PHTF2: variants seen among roughly 807,000 people sequenced by gnomAD.
The protein encoded by PHTF2 is protein PHTF2.
In PHTF2, 60 loss-of-function variants were observed where a neutral mutation model predicts 101.2. The ratio of observed to expected loss-of-function variants is 0.59; its 90% CI spans 0.48 to 0.73. PHTF2 has a LOEUF of 0.73. Among genes scored for constraint, PHTF2 ranks in the 30% least tolerant of loss-of-function variants. The probability of loss-of-function intolerance (pLI) is 0.00; values close to 1 mark genes in which losing one functional copy is unlikely to be tolerated. For missense variants in PHTF2, 747 were observed against 908.7 expected (o/e 0.82, Z 2.29); for synonymous variants, 311 against 307.3 (o/e 1.01, Z -0.13).
At chr7:77,865,867 T>C (rs1268252531) in intron 3 of PHTF2, among the ~76,000 whole-genome samples, 1 of 152,120 alleles carries the variant, frequency 6.6e-6, no homozygotes, top group Admixed American at 6.6e-5. Context: ...ATCTGTGAAA[T>C]AGGCTCTTTA....
chr7:77,922,497 T>A (rs948967124), intron 10 of PHTF2, 126 bp from the exon 10 acceptor site: 7 of 574,474 alleles, frequency 1.2e-5, no homozygotes, highest in Non-Finnish European at 2.0e-5. Context: ...TTAGTTACTT[T>A]GTGGTAGTTG....
In PHTF2 at chr7:77,947,830, T is replaced by C. The variant is rs866865526; in HGVS notation, c.1960-1848T>C. Among the ~76,000 whole-genome samples the C allele has an allele frequency of 9.8e-4, 107 of 109,644 alleles. 3 individuals are homozygous for C. The highest frequency in any genetic ancestry group is 4.3e-3 in the African/African-American group (101 of 23,556). The allele number at this position is 109,644 out of a possible 152,430, so 71.9% of individuals were successfully genotyped here. On this transcript the variant is annotated intron_variant, in intron 16 of 19. Transcript: ENST00000416283. ...TGAAGATTTATTTTCTTTTTTCTTT[T>C]TTCTTTCTTTTTTTTTTTTTTTTTT...
At chr7:77,877,081 G>A (rs1216717259) in intron 3 of PHTF2, among the ~76,000 whole-genome samples, 3 of 149,624 alleles carry the variant, frequency 2.0e-5, no homozygotes, top group Non-Finnish European at 4.4e-5. Flanking sequence ...ATTTTCCCAT[G>A]ATTAATGGAA....
At chr7:77,862,744 G>T (rs996505159) in intron 3 of PHTF2, among the ~76,000 whole-genome samples, 1 of 152,084 alleles carries the variant, frequency 6.6e-6, no homozygotes, top group African/African-American at 2.4e-5. Context: ...AATATTTGCC[G>T]GTTATATTCC....
intron 1 of PHTF2, among the ~76,000 whole-genome samples, chr7:77,839,527 A>T (rs530277832): frequency 1.3e-5 from 2 of 152,322 alleles, no homozygotes; most frequent in South Asian, 4.1e-4. Flanking sequence ...ACAATTCAGT[A>T]GCTTAATTTT....
At chr7:77,946,187 A>G (rs185886981) in intron 16 of PHTF2, among the ~76,000 whole-genome samples, 28 of 152,356 alleles carry the variant, frequency 1.8e-4, no homozygotes, top group Admixed American at 5.9e-4. Context: ...TAAGCTGATT[A>G]AAGGCAGAAA....
At chr7:77,921,786 T>C (rs1803488372) in intron 10 of PHTF2, among the ~76,000 whole-genome samples, 1 of 152,144 alleles carries the variant, frequency 6.6e-6, no homozygotes, top group Non-Finnish European at 1.5e-5. Context: ...CTAGAGTCAT[T>C]TAATTTCGTA....
At chr7:77,939,589 C>CAAAAAAAAAAAAA (rs914007792) in intron 13 of PHTF2, among the ~76,000 whole-genome samples, 3 of 75,100 alleles carry the variant, frequency 4.0e-5, no homozygotes, top group Non-Finnish European at 6.0e-5. Context: ...GACCCTGTCT[C>CAAAAAAAAAAAAA]AAAAAAAAAA....
chr7:77,879,853 A>T (rs995014360), intron 3 of PHTF2, among the ~76,000 whole-genome samples: 1 of 152,200 alleles, frequency 6.6e-6, no homozygotes, highest in Non-Finnish European at 1.5e-5. Flanking sequence ...GCCCTCTTCT[A>T]CTCACAGTAC....
intron 13 of PHTF2, 143 bp downstream of exon 12, chr7:77,937,981 T>C: frequency 6.1e-6 from 2 of 328,088 alleles, no homozygotes; most frequent in Non-Finnish European, 1.1e-5. Flanking sequence ...TATTTGTTTC[T>C]GTCTGTAATT....
At chr7:77,801,795 G>T (rs185426587) in intron 1 of PHTF2, among the ~76,000 whole-genome samples, 3 of 152,112 alleles carry the variant, frequency 2.0e-5, no homozygotes, top group Non-Finnish European at 4.4e-5. Context: ...CAAAATGCTT[G>T]TGGTCCCAAT....
intron 3 of PHTF2, among the ~76,000 whole-genome samples, chr7:77,875,234 G>T: frequency 6.6e-6 from 1 of 151,836 alleles, no homozygotes; most frequent in South Asian, 2.1e-4. Context: ...TCATTTTTTT[G>T]TGACCTCTTT....
chr7:77,878,036 G>A (rs189205725), intron 3 of PHTF2, among the ~76,000 whole-genome samples: 1 of 152,244 alleles, frequency 6.6e-6, no homozygotes, highest in Admixed American at 6.5e-5. Flanking sequence ...TATGCTTAGT[G>A]ATGTAGTTGC....
intron 3 of PHTF2, among the ~76,000 whole-genome samples, chr7:77,882,411 CT>C (rs913548293): frequency 1.9e-4 from 29 of 151,906 alleles, no homozygotes; most frequent in African/African-American, 7.0e-4. Context: ...AGTAGCTTTA[CT>C]TTTTTTAGTA....
intron 1 of PHTF2, among the ~76,000 whole-genome samples, chr7:77,812,028 A>T (rs999330931): frequency 6.6e-6 from 1 of 152,188 alleles, no homozygotes; most frequent in African/African-American, 2.4e-5. Context: ...TTATAGCTCC[A>T]ATGTTTTGCA....
chr7:77,928,093 T>TA (rs1204920312), intron 11 of PHTF2, among the ~76,000 whole-genome samples: 1 of 151,406 alleles, frequency 6.6e-6, no homozygotes, highest in East Asian at 1.9e-4. Context: ...GTATAAATGA[T>TA]AAAGTCTGAA....
At chr7:77,927,180 AT>A (rs1469027837) in intron 11 of PHTF2, among the ~76,000 whole-genome samples, 1,544 of 31,218 alleles carry the variant, frequency 0.049, 39 homozygotes, top group African/African-American at 0.095. Flanking sequence ...AAAAAAAAAT[AT>A]ATATATATAT....
chr7:77,869,288 A>G (rs2150707981), intron 3 of PHTF2, among the ~76,000 whole-genome samples: 1 of 152,318 alleles, frequency 6.6e-6, no homozygotes, highest in South Asian at 2.1e-4. Flanking sequence ...GGAACATTTT[A>G]AAACTACTCT....
intron 14 of PHTF2, 53 bp from the exon 14 acceptor site, chr7:77,940,475 G>A: frequency 6.9e-7 from 1 of 1,452,828 alleles, no homozygotes; most frequent in Non-Finnish European, 9.3e-7. Flanking sequence ...TGTTAATTTT[G>A]TTTTTCTGTG....
Sources: gnomAD v4.1 joint callset for allele counts (sites outside exome capture counted in the v4.1 genomes callset) on GRCh38, gnomAD v4.1.1 for gene constraint, MANE v1.5 for transcripts, NCBI Gene and HGNC (gene_info 2026-07-23, HGNC 2026-07-21) for gene names.